Variants in MTF2 observed in about 807,000 individuals in gnomAD.
MTF2 encodes metal response element binding transcription factor 2, also known as metal-response element-binding transcription factor 2.
MTF2 carries 11 observed loss-of-function variants against 79.5 expected under a neutral mutation model. That is an observed-to-expected ratio of 0.14 (90% CI 0.09 to 0.23). The LOEUF (loss-of-function observed/expected upper bound fraction) is 0.23. MTF2 is among the 10% of genes least tolerant of loss of function. The pLI is 1.00. For synonymous variants in MTF2, 208 were observed against 232.8 expected (o/e 0.89, Z 0.97); for missense variants, 486 against 711.2 (o/e 0.68, Z 3.60).
chr1:93,132,732 A>G lies in MTF2; in HGVS notation c.1161-971A>G, dbSNP rs191253454. 4.8e-4 allele frequency among the ~76,000 whole-genome samples: 73 copies of G among 151,220 alleles called. 1 individual carries two copies. Among genetic ancestry groups the G allele is most frequent in the African/African-American group, 1.7e-3 (70 of 41,166 alleles). Reference sequence around the variant, plus strand: ...ATCTGGAGGGATAAGTTTTTTTCCTACTTTCTCCATTCATCTCTTTCTAGG... The same window carrying G: ...ATCTGGAGGGATAAGTTTTTTTCCTGCTTTCTCCATTCATCTCTTTCTAGG... On this transcript the variant is annotated intron_variant, in intron 11 of 14. Transcript: ENST00000370298.
intron 9 of MTF2, among the ~76,000 whole-genome samples, chr1:93,123,766 C>T (rs991091691): frequency 1.4e-5 from 2 of 146,704 alleles, no homozygotes; most frequent in Admixed American, 1.4e-4. Flanking sequence ...TTGTGTCCCC[C>T]CCCCCTTTTT....
At chr1:93,115,884 G>T (rs2101066178) in intron 6 of MTF2, among the ~76,000 whole-genome samples, 1 of 152,192 alleles carries the variant, frequency 6.6e-6, no homozygotes, top group East Asian at 1.9e-4. Context: ...ACTATTGAGG[G>T]AAAACATTTA....
At chr1:93,133,325 C>T (rs1311883634) in intron 11 of MTF2, among the ~76,000 whole-genome samples, 1 of 152,078 alleles carries the variant, frequency 6.6e-6, no homozygotes, top group African/African-American at 2.4e-5. Context: ...GAAACATCCT[C>T]CAAGTTGTAA....
intron 1 of MTF2, among the ~76,000 whole-genome samples, chr1:93,087,226 T>C (rs1190824512): frequency 6.6e-6 from 1 of 152,212 alleles, no homozygotes; most frequent in African/African-American, 2.4e-5. Context: ...TTGAACCATC[T>C]GTAGGAATGC....
In MTF2 at chr1:93,137,085, G is replaced by T; in HGVS notation, c.*58G>T. 3.6e-6 allele frequency: 5 copies of T among 1,393,920 alleles called. No homozygotes were observed. Among genetic ancestry groups the T allele is most frequent in the Non-Finnish European group, 4.9e-6 (5 of 1,023,274 alleles). 86.3% of individuals were successfully genotyped at this position (1,393,920 alleles called of 1,614,324 possible). ...TGATTTTCTGTAGGTACAGTTCAAA[G>T]CCCTAAAGGAGTCTGGCTTTTACTA... On this transcript the variant is annotated 3_prime_UTR_variant, in exon 15 of 15. Transcript: ENST00000370298.
At chr1:93,094,920 G>C (rs371742775) in intron 1 of MTF2, among the ~76,000 whole-genome samples, 1 of 152,228 alleles carries the variant, frequency 6.6e-6, no homozygotes, top group East Asian at 1.9e-4. Context: ...TCCCCTCTCT[G>C]TGCCTTGTAT....
chr1:93,116,552 G>A (rs1571240659), intron 6 of MTF2, among the ~76,000 whole-genome samples: 1 of 143,544 alleles, frequency 7.0e-6, no homozygotes, highest in Non-Finnish European at 1.5e-5. Context: ...TGCCTCGGCT[G>A]GAGTGCAGTG....
At chr1:93,132,330 G>A (rs548957426) in intron 11 of MTF2, among the ~76,000 whole-genome samples, 58 of 151,542 alleles carry the variant, frequency 3.8e-4, no homozygotes, top group African/African-American at 1.4e-3. Context: ...TTTGCTAGCA[G>A]TTGCCCATAT....
intron 8 of MTF2, 85 bp downstream of exon 8, chr1:93,119,486 C>A: frequency 2.0e-6 from 2 of 1,010,498 alleles, no homozygotes; most frequent in African/African-American, 1.7e-5. Flanking sequence ...ATTTACTTGG[C>A]TTAAGTAAAA....
intron 1 of MTF2, among the ~76,000 whole-genome samples, chr1:93,108,298 A>G (rs1328083525): frequency 1.3e-5 from 2 of 152,086 alleles, no homozygotes; most frequent in East Asian, 3.9e-4. Flanking sequence ...GTGTATGTAC[A>G]TGTATTTGAA....
At chr1:93,105,702 T>C (rs533381415) in intron 1 of MTF2, among the ~76,000 whole-genome samples, 2 of 151,608 alleles carry the variant, frequency 1.3e-5, no homozygotes, top group East Asian at 1.9e-4. Context: ...GAGACCAGAG[T>C]CTTGCTCTTT....
At chr1:93,122,291 G>T (rs976419715) in intron 9 of MTF2, among the ~76,000 whole-genome samples, 1 of 152,006 alleles carries the variant, frequency 6.6e-6, no homozygotes, top group African/African-American at 2.4e-5. Flanking sequence ...TTAGTACATT[G>T]TCTGCATTAC....
intron 1 of MTF2, among the ~76,000 whole-genome samples, chr1:93,106,622 A>G (rs2101051202): frequency 6.6e-6 from 1 of 151,928 alleles, no homozygotes; most frequent in Non-Finnish European, 1.5e-5. Flanking sequence ...TGGGTTCAAG[A>G]CATTTTCCTG....
Position 93,094,749 on chromosome 1 carries a change from C to A in MTF2, c.5+15218C>A, listed in dbSNP as rs1407424929. The stretch of plus-strand genomic sequence containing the variant: ...TCCCATCAGGAAGCATGTAATGTTT[C>A]TCTTGCTGTGCTCTTAGCAGCTACT... On this transcript the variant is annotated intron_variant, in intron 1 of 14. Coordinates refer to ENST00000370298, the MANE Select transcript of MTF2 (RefSeq NM_007358.4). 1.7e-4 allele frequency among the ~76,000 whole-genome samples: 26 copies of A among 152,164 alleles called. 1 individual carries two copies.
intron 6 of MTF2, among the ~76,000 whole-genome samples, chr1:93,117,513 A>C (rs1333948171): frequency 6.6e-6 from 1 of 152,240 alleles, no homozygotes; most frequent in Admixed American, 6.5e-5. Flanking sequence ...AAAAGCCTTT[A>C]TACCTGGTAG....
At chr1:93,120,512 A>C in intron 8 of MTF2, 37 bp from the exon 9 acceptor site, 1 of 1,526,540 alleles carries the variant, frequency 6.6e-7, no homozygotes, top group Non-Finnish European at 8.8e-7. Context: ...GTAACCAAAA[A>C]CATTGTTTTG....
chr1:93,118,877 C>CT (rs1656356799), intron 7 of MTF2, among the ~76,000 whole-genome samples: 1 of 152,234 alleles, frequency 6.6e-6, no homozygotes, highest in Middle Eastern at 3.2e-3. Context: ...AGCTAGACCA[C>CT]TAAGTTTGAC....
At chr1:93,112,291 G>C (rs1369788486) in intron 3 of MTF2, among the ~76,000 whole-genome samples, 1 of 152,080 alleles carries the variant, frequency 6.6e-6, no homozygotes, top group Non-Finnish European at 1.5e-5. Context: ...GTGAGGAGTG[G>C]GTTTAGTAGT....
intron 1 of MTF2, among the ~76,000 whole-genome samples, chr1:93,090,019 C>G (rs966791586): frequency 2.6e-5 from 4 of 152,016 alleles, no homozygotes; most frequent in African/African-American, 9.7e-5. Flanking sequence ...CTCTGTCCCC[C>G]GGGCTGGAGC....
Sources: allele counts gnomAD v4.1 joint callset (sites outside exome capture counted in the v4.1 genomes callset), GRCh38; gene constraint gnomAD v4.1.1; transcripts MANE v1.5; gene names NCBI Gene and HGNC (gene_info 2026-07-23, HGNC 2026-07-21).